The following RIGI variants were observed in gnomAD, a reference collection of about 807,000 sequenced individuals.
RIGI encodes antiviral innate immune response receptor RIG-I.
At chr9:32,491,175 C>T in the RIGI span, 19 of 1,059,740 alleles carry the variant, frequency 1.8e-5, no homozygotes, top group African/African-American at 2.9e-4. Context: ...CATAAATTCT[C>T]TTTACTTTCT....
chr9:32,460,550 A>G, the RIGI span, among the ~76,000 whole-genome samples: 1 of 152,336 alleles, frequency 6.6e-6, no homozygotes, highest in South Asian at 2.1e-4. Flanking sequence ...CCTAATAAAG[A>G]TGCTTCGATG....
At chr9:32,522,217 T>A in the RIGI span, among the ~76,000 whole-genome samples, 1 of 152,222 alleles carries the variant, frequency 6.6e-6, no homozygotes, top group African/African-American at 2.4e-5. Flanking sequence ...CTGGAGAATT[T>A]TTGTTTTTTG....
chr9:32,495,153 G>C, the RIGI span, among the ~76,000 whole-genome samples: 758 of 152,226 alleles, frequency 5.0e-3, 5 homozygotes, highest in African/African-American at 0.017. Context: ...ATCAGGCACA[G>C]GGTTGCAGTT....
At chr9:32,524,600 T>TTTTTTG in the RIGI span, among the ~76,000 whole-genome samples, 3 of 86,836 alleles carry the variant, frequency 3.5e-5, no homozygotes, top group African/African-American at 1.1e-4. Context: ...TTTTCGGTTT[T>TTTTTTG]TTTTTTTTTT....
the RIGI span, chr9:32,487,685 C>T: frequency 6.3e-7 from 1 of 1,590,420 alleles, no homozygotes; most frequent in East Asian, 2.2e-5. Context: ...TACAATGTTT[C>T]CACAACCCCT....
the RIGI span, among the ~76,000 whole-genome samples, chr9:32,481,848 G>A: frequency 6.6e-6 from 1 of 152,196 alleles, no homozygotes; most frequent in Non-Finnish European, 1.5e-5. Flanking sequence ...GTCTCCCAAA[G>A]TGCTGGGATT....
chr9:32,517,264 G>T, the RIGI span, among the ~76,000 whole-genome samples: 1 of 152,154 alleles, frequency 6.6e-6, no homozygotes, highest in South Asian at 2.1e-4. Flanking sequence ...TTGGATTACC[G>T]ATTGGAGCAA....
chr9:32,473,065 C>G, the RIGI span: 9 of 1,596,962 alleles, frequency 5.6e-6, no homozygotes, highest in Non-Finnish European at 7.7e-6. Context: ...TTTTTTAAAG[C>G]CTGAAAATGA....
At chr9:32,458,379 G>GA in the RIGI span, among the ~76,000 whole-genome samples, 7 of 152,044 alleles carry the variant, frequency 4.6e-5, 1 homozygote, top group Admixed American at 3.9e-4. Context: ...TAGGAAAAGA[G>GA]AAAAAAAGTC....
At chr9:32,463,698 C>T in the RIGI span, among the ~76,000 whole-genome samples, 2 of 151,842 alleles carry the variant, frequency 1.3e-5, no homozygotes, top group East Asian at 1.9e-4. Flanking sequence ...CTGACCTTCA[C>T]CCATGCAACC....
At chr9:32,508,463 G>A in the RIGI span, among the ~76,000 whole-genome samples, 6 of 151,780 alleles carry the variant, frequency 4.0e-5, no homozygotes, top group African/African-American at 1.2e-4. Flanking sequence ...CTGAAGCAGG[G>A]TAGGGTGTCA....
chr9:32,518,349 T>C, the RIGI span, among the ~76,000 whole-genome samples: 25 of 151,260 alleles, frequency 1.7e-4, no homozygotes, highest in Non-Finnish European at 8.8e-5. Context: ...CATCTTATAA[T>C]GGTATTTTTT....
the RIGI span, chr9:32,488,887 C>A: frequency 6.3e-7 from 1 of 1,594,528 alleles, no homozygotes; most frequent in South Asian, 1.2e-5. Flanking sequence ...TTTTCCACAA[C>A]CTTTTAACAT....
the RIGI span, among the ~76,000 whole-genome samples, chr9:32,481,716 G>GCTGAGACTA: frequency 6.6e-6 from 1 of 152,028 alleles, no homozygotes; most frequent in South Asian, 2.1e-4. Context: ...CTGCTAAGTA[G>GCTGAGACTA]CTGAGACTAC....
the RIGI span, among the ~76,000 whole-genome samples, chr9:32,478,673 C>T: frequency 1.3e-5 from 2 of 152,074 alleles, no homozygotes; most frequent in African/African-American, 2.4e-5. Context: ...GATCCTCCCA[C>T]CTCAGCCTCC....
the RIGI span, chr9:32,492,596 A>G: frequency 1.1e-4 from 177 of 1,586,718 alleles, 1 homozygote; most frequent in Middle Eastern, 1.0e-3. Flanking sequence ...CCCTTTATCA[A>G]TTTTTACTGA....
At chr9:32,466,533 T>A in the RIGI span, 1 of 1,218,940 alleles carries the variant, frequency 8.2e-7, no homozygotes, top group Non-Finnish European at 1.1e-6. Context: ...ACTCCTAAAA[T>A]TCAACTTTGG....
At chr9:32,458,726 A>G in the RIGI span, among the ~76,000 whole-genome samples, 1 of 152,168 alleles carries the variant, frequency 6.6e-6, no homozygotes. Context: ...CAGTTTCCCC[A>G]AATGTTAACA....
At chr9:32,512,233 C>T in the RIGI span, among the ~76,000 whole-genome samples, 1 of 152,186 alleles carries the variant, frequency 6.6e-6, no homozygotes, top group East Asian at 1.9e-4. Context: ...CCAACATCAC[C>T]CTGATACCAA....
Sources: allele counts gnomAD v4.1 joint callset (sites outside exome capture counted in the v4.1 genomes callset), GRCh38; gene constraint gnomAD v4.1.1; transcripts MANE v1.5; gene names NCBI Gene and HGNC (gene_info 2026-07-23, HGNC 2026-07-21).